Variants in NME9 observed in about 807,000 individuals in gnomAD.
The protein encoded by NME9 is thioredoxin domain-containing protein 6.
NME9 carries 48 observed loss-of-function variants against 44.4 expected under a neutral mutation model. The ratio of observed to expected loss-of-function variants is 1.08; its 90% CI spans 0.86 to 1.37. The LOEUF (loss-of-function observed/expected upper bound fraction) is 1.37, where lower values mean the gene tolerates loss of function less well. Among genes scored for constraint, NME9 ranks in the 40% most tolerant of loss-of-function variants. The pLI, the probability that NME9 is intolerant of heterozygous loss-of-function variation, is 0.00. For missense variants in NME9, 325 were observed against 405.2 expected, an observed-to-expected ratio of 0.80 and a Z score of 1.70; for synonymous variants, 139 against 147.1, an observed-to-expected ratio of 0.94 and a Z score of 0.40.
At chr3:138,276,826 G>C (rs1028877975) in intron 8 of NME9, among the ~76,000 whole-genome samples, 2 of 152,162 alleles carry the variant, frequency 1.3e-5, no homozygotes, top group Non-Finnish European at 2.9e-5. Context: ...TTGATTTATA[G>C]ATTAAGCACA....
At chr3:138,291,898 A>C (rs953550385) in intron 8 of NME9, among the ~76,000 whole-genome samples, 1 of 152,242 alleles carries the variant, frequency 6.6e-6, no homozygotes, top group African/African-American at 2.4e-5. Flanking sequence ...GGAAGAATCC[A>C]GACCATGAAG....
intron 8 of NME9, among the ~76,000 whole-genome samples, chr3:138,268,050 C>G (rs2048440101): frequency 1.3e-5 from 2 of 152,052 alleles, no homozygotes; most frequent in African/African-American, 4.8e-5. Flanking sequence ...TGAGACCAGC[C>G]TGGCCAACAT....
intron 8 of NME9, among the ~76,000 whole-genome samples, chr3:138,273,623 C>G (rs2048987471): frequency 6.6e-6 from 1 of 152,158 alleles, no homozygotes; most frequent in South Asian, 2.1e-4. Flanking sequence ...TGGGATACCT[C>G]TCAATGTTCT....
At chr3:138,295,884 C>G in intron 8 of NME9, 2 of 1,613,684 alleles carry the variant, frequency 1.2e-6, no homozygotes, top group Non-Finnish European at 1.7e-6. Flanking sequence ...GCAGCAGTAC[C>G]TGGCATGATG....
chr3:138,300,505 C>A (rs1305959617), downstream of NME9, among the ~76,000 whole-genome samples: 1 of 152,182 alleles, frequency 6.6e-6, no homozygotes, highest in Non-Finnish European at 1.5e-5. Context: ...CGGCACTTGG[C>A]AAATTTACAA....
intron 8 of NME9, among the ~76,000 whole-genome samples, chr3:138,275,083 T>C (rs1042873825): frequency 3.9e-5 from 6 of 152,182 alleles, no homozygotes; most frequent in African/African-American, 1.4e-4. Context: ...ATCAGGACAG[T>C]TGGGAATTAT....
In NME9 at chr3:138,329,703, T is replaced by G; in HGVS notation, c.-368A>C. 2 of 1,116,682 alleles carry G rather than the reference T, an allele frequency of 1.8e-6. No homozygotes were observed. The highest frequency in any genetic ancestry group is 2.2e-6 in the Non-Finnish European group (2 of 912,504). 69.2% of individuals were successfully genotyped at this position (1,116,682 alleles called of 1,614,324 possible). A position where few individuals can be genotyped will look rare whatever the true frequency, so the allele number is the denominator to read the frequency against. ...CACAGGGTCGCCAGTCGAGGAATTC[T>G]GACAAAAAAACGACATGGGACCCTG... is the stretch of plus-strand genomic sequence containing the variant. On this transcript the variant is annotated 5_prime_UTR_variant, in exon 1 of 11. Coordinates refer to ENST00000333911, the MANE Select transcript of NME9 (RefSeq NM_001349018.2).
intron 8 of NME9, among the ~76,000 whole-genome samples, chr3:138,264,523 G>C (rs1232759121): frequency 7.0e-6 from 1 of 142,830 alleles, no homozygotes; most frequent in Admixed American, 7.5e-5. Flanking sequence ...CGGTTCAAGC[G>C]ATTCTTCTGC....
intron 8 of NME9, among the ~76,000 whole-genome samples, chr3:138,266,838 T>TA (rs749605118): frequency 6.6e-6 from 1 of 152,180 alleles, no homozygotes; most frequent in Non-Finnish European, 1.5e-5. Flanking sequence ...TGAGCTCACT[T>TA]ACCCCAGAGC....
intron 1 of NME9, among the ~76,000 whole-genome samples, chr3:138,328,282 A>G (rs1162085975): frequency 6.6e-6 from 1 of 152,188 alleles, no homozygotes; most frequent in Admixed American, 6.5e-5. Context: ...AGTTGGCTAT[A>G]GAGGACACAA....
chr3:138,313,869 T>C (rs1184966106), intron 6 of NME9, among the ~76,000 whole-genome samples: 1 of 152,054 alleles, frequency 6.6e-6, no homozygotes, highest in African/African-American at 2.4e-5. Context: ...ATGGATCTCA[T>C]GAAGATAGAG....
At chr3:138,315,671 T>C (rs1242921510) in intron 4 of NME9, 28 bp from the exon 5 acceptor site, 1 of 1,465,626 alleles carries the variant, frequency 6.8e-7, no homozygotes, top group South Asian at 1.2e-5. Flanking sequence ...CAGCATGAAA[T>C]ACTCTTGGCA....
rs141072697 is a variant in NME9, at chr3:138,267,141, T to C, written c.746-4555A>G. 5,048 of 1,447,560 alleles carry C rather than the reference T, an allele frequency of 3.5e-3. 18 individuals are homozygous for C. The highest frequency in any genetic ancestry group is 4.4e-3 in the Non-Finnish European group (4,679 of 1,056,632). 89.7% of individuals were successfully genotyped at this position (1,447,560 alleles called of 1,614,324 possible). A position where few individuals can be genotyped will look rare whatever the true frequency, so the allele number is the denominator to read the frequency against. Reference sequence around the variant, plus strand: ...ATTCCAAATCATTAGTAGTATCCTTTTTTAATTCCATAGGTTTTACAAAAT... The same window carrying C: ...ATTCCAAATCATTAGTAGTATCCTTCTTTAATTCCATAGGTTTTACAAAAT... On this transcript the variant is annotated intron_variant, in intron 8 of 8. Transcript: ENST00000317876.
intron 2 of NME9, among the ~76,000 whole-genome samples, chr3:138,321,410 T>A (rs2053455319): frequency 6.6e-6 from 1 of 152,196 alleles, no homozygotes; most frequent in African/African-American, 2.4e-5. Flanking sequence ...ACTCCTTCCA[T>A]CAAACCCTTT....
intron 8 of NME9, among the ~76,000 whole-genome samples, chr3:138,293,061 GC>G (rs1448733171): frequency 1.2e-4 from 19 of 152,306 alleles, no homozygotes; most frequent in Admixed American, 9.8e-4. Flanking sequence ...TGCCAGGGAT[GC>G]CTTTTGTGCT....
chr3:138,294,447 C>G (rs927169602), intron 8 of NME9, among the ~76,000 whole-genome samples: 5 of 152,158 alleles, frequency 3.3e-5, no homozygotes, highest in Admixed American at 3.3e-4. Context: ...TTGTAGAACC[C>G]TACTTGCTCA....
intron 8 of NME9, chr3:138,267,295 C>A: frequency 1.8e-6 from 2 of 1,111,064 alleles, no homozygotes; most frequent in South Asian, 1.6e-5. Flanking sequence ...AGAGCTTACT[C>A]AAATACTTTT....
chr3:138,322,375 G>C (rs1349529584), intron 2 of NME9, among the ~76,000 whole-genome samples: 1 of 151,732 alleles, frequency 6.6e-6, no homozygotes, highest in African/African-American at 2.4e-5. Context: ...AAGCGGGGGT[G>C]GGGGGTAGGG....
intron 8 of NME9, chr3:138,290,552 A>G (rs1343801737): frequency 1.2e-6 from 2 of 1,601,710 alleles, no homozygotes; most frequent in Non-Finnish European, 1.7e-6. Flanking sequence ...TTAGGTTCAC[A>G]AGAACGCCAG....
Sources: gnomAD v4.1 joint callset for allele counts (sites outside exome capture counted in the v4.1 genomes callset) on GRCh38, gnomAD v4.1.1 for gene constraint, MANE v1.5 for transcripts, NCBI Gene and HGNC (gene_info 2026-07-23, HGNC 2026-07-21) for gene names.